Variants in AKAP13 observed in about 807,000 individuals in gnomAD.
AKAP13 encodes A-kinase anchor protein 13.
AKAP13 carries 80 observed loss-of-function variants against 264.5 expected under a neutral mutation model. That is an observed-to-expected ratio of 0.30 (90% CI 0.25 to 0.36). The LOEUF is 0.36. AKAP13 is among the 10% of genes least tolerant of loss of function. The pLI, the probability that AKAP13 is intolerant of heterozygous loss-of-function variation, is 1.00. For synonymous variants in AKAP13, 1,380 were observed against 1,250.2 expected, an observed-to-expected ratio of 1.10 and a Z score of -2.19; for missense variants, 3,712 against 3,435.2, an observed-to-expected ratio of 1.08 and a Z score of -2.01.
At chr15:85,717,565 G>A (rs547470666) in intron 21 of AKAP13, among the ~76,000 whole-genome samples, 163 bp downstream of exon 21, 32 of 152,296 alleles carry the variant, frequency 2.1e-4, no homozygotes, top group Admixed American at 3.9e-4. Context: ...TCATGACTGC[G>A]TAATCAGACT....
intron 8 of AKAP13, among the ~76,000 whole-genome samples, chr15:85,608,470 A>C (rs1395558504): frequency 6.6e-6 from 1 of 152,182 alleles, no homozygotes; most frequent in East Asian, 1.9e-4. Flanking sequence ...CTTTAAGGCA[A>C]TTATTATTTG....
chr15:85,580,620 C>T lies in AKAP13; in HGVS notation c.2552C>T (p.Ser851Phe), dbSNP rs35624420. The T allele has an allele frequency of 0.022, 34,775 of 1,614,176 alleles. 447 individuals are homozygous for T. Among genetic ancestry groups the T allele is most frequent in the Non-Finnish European group, 0.026 (30,245 of 1,180,006 alleles). ...EDRAVGLSTSSTAAELQHGMG... is the reference protein window; with the variant it reads ...EDRAVGLSTSFTAAELQHGMG... The stretch of plus-strand genomic sequence containing the variant: ...AGGGCAGTAGGCCTGTCCACATCCT[C>T]CACTGCTGCAGAGCTTCAGCACGGG... Residue 851 changes from serine (S) to phenylalanine (F), a missense_variant, in exon 7 of 37, where the codon TCC (serine) becomes TTC (phenylalanine). Physicochemically the swap from Ser to Phe is radical, Grantham distance 155. Transcript: ENST00000394518.
intron 8 of AKAP13, among the ~76,000 whole-genome samples, chr15:85,609,667 T>C (rs1333289821): frequency 6.6e-6 from 1 of 152,234 alleles, no homozygotes; most frequent in African/African-American, 2.4e-5. Flanking sequence ...ATCATCTGTT[T>C]GTATAACCTA....
chr15:85,418,610 G>A (rs2072357725), intron 1 of AKAP13, among the ~76,000 whole-genome samples: 2 of 152,152 alleles, frequency 1.3e-5, no homozygotes, highest in Non-Finnish European at 2.9e-5. Context: ...TAAGCTTGTA[G>A]CATATAATTA....
chr15:85,561,225 T>G (rs2151263209), intron 5 of AKAP13, among the ~76,000 whole-genome samples: 1 of 152,072 alleles, frequency 6.6e-6, no homozygotes, highest in African/African-American at 2.4e-5. Flanking sequence ...ACCTGGCTAA[T>G]TTTTGTATTT....
rs1361778726 is a variant in AKAP13, at chr15:85,426,959, T to TG, written c.-12+46161_-12+46162insG. Among the ~76,000 whole-genome samples, 1,121 of 147,894 alleles carry TG rather than the reference T, an allele frequency of 7.6e-3. 11 individuals carry two copies. Among genetic ancestry groups the TG allele is most frequent in the Middle Eastern group, 0.062 (18 of 288 alleles). On this transcript the variant is annotated intron_variant, in intron 1 of 36. Transcript: ENST00000394518. ...TCCTTAGTATTGTTTTGTTTTGTTT[T>TG]TTTTTTTTTTTTTGGGGACGGAGTC... is the stretch of plus-strand genomic sequence containing the variant.
chr15:85,478,553 A>T (rs1306126752), intron 1 of AKAP13, among the ~76,000 whole-genome samples: 2 of 152,206 alleles, frequency 1.3e-5, no homozygotes, highest in African/African-American at 4.8e-5. Flanking sequence ...TCCAGCGTTG[A>T]TAAAGAATAA....
At chr15:85,650,616 C>T (rs1173967313) in intron 10 of AKAP13, among the ~76,000 whole-genome samples, 7 of 151,036 alleles carry the variant, frequency 4.6e-5, no homozygotes, top group South Asian at 2.1e-4. Flanking sequence ...ATTAGCTGGG[C>T]GTGGTGGCAG....
intron 1 of AKAP13, among the ~76,000 whole-genome samples, chr15:85,438,497 C>G (rs2073440258): frequency 6.7e-6 from 1 of 149,554 alleles, no homozygotes; most frequent in Non-Finnish European, 1.5e-5. Context: ...CAAAAAAGAG[C>G]CTGCATCGCC....
rs767562760 is a variant in AKAP13 at position 85,655,779 on chromosome 15, C to G, written c.4737C>G (p.Asn1579Lys). Reference protein sequence around the residue: ...GKNAASDAEMNHRSSMRVLGD... With the variant: ...GKNAASDAEMKHRSSMRVLGD... The stretch of plus-strand genomic sequence containing the variant: ...ATGCAGCCAGCGATGCAGAAATGAA[C>G]CACCGGAGGTGAGATGGGAGGCGGT... Residue 1579 changes from asparagine (N) to lysine (K), a missense_variant, in exon 11 of 37, where the codon AAC (asparagine) becomes AAG (lysine). This residue lies in a region of AKAP13 where 2,759 missense variants were observed against 2,411.7 expected (regional missense o/e 1.14). Coordinates refer to ENST00000394518, the MANE Select transcript of AKAP13 (RefSeq NM_007200.5). The G allele has an allele frequency of 1.2e-6, 2 of 1,606,512 alleles. No homozygotes were observed. Among genetic ancestry groups the G allele is most frequent in the Non-Finnish European group, 1.7e-6 (2 of 1,174,074 alleles).
intron 3 of AKAP13, 36 bp from the exon 4 acceptor site, chr15:85,533,548 T>C (rs1430834025): frequency 1.3e-6 from 2 of 1,564,956 alleles, no homozygotes; most frequent in South Asian, 2.4e-5. Flanking sequence ...AGTGAGGCTC[T>C]AATACTGTTT....
intron 1 of AKAP13, among the ~76,000 whole-genome samples, chr15:85,443,772 A>AGTGTGTGTGT (rs34514718): frequency 4.8e-5 from 7 of 146,052 alleles, no homozygotes; most frequent in Non-Finnish European, 9.1e-5. Context: ...AAAAAAAAAA[A>AGTGTGTGTGT]GTGTGTGTGT....
At chr15:85,585,903 T>C in intron 8 of AKAP13, 80 bp downstream of exon 8, 1 of 1,564,152 alleles carries the variant, frequency 6.4e-7, no homozygotes, top group South Asian at 1.1e-5. Flanking sequence ...GCTTTGTCTT[T>C]TATTTGAGGG....
rs900020802 is a variant in AKAP13 at position 85,748,767 on chromosome 15, A to AC, written c.*4096dup. 2.0e-4 allele frequency: 31 copies of AC among 152,078 alleles called. No individual in the cohort carries two copies. The highest frequency in any genetic ancestry group is 6.8e-4 in the African/African-American group (28 of 41,374). 9.4% of individuals were successfully genotyped at this position (152,078 alleles called of 1,614,324 possible). On this transcript the variant is annotated 3_prime_UTR_variant, in exon 37 of 37. Coordinates refer to ENST00000394518, the MANE Select transcript of AKAP13 (RefSeq NM_007200.5). ...TCTCACTAAGGGTTAAAGGCGTGCA[A>AC]CCCCCCACTGGCTGTGTCCCCTGCC...
intron 8 of AKAP13, among the ~76,000 whole-genome samples, chr15:85,590,929 A>T (rs923999723): frequency 1.3e-5 from 2 of 152,202 alleles, no homozygotes; most frequent in African/African-American, 4.8e-5. Flanking sequence ...AGATTACAAT[A>T]TGCTATTCAC....
chr15:85,537,264 T>TC (rs5814201), intron 4 of AKAP13, among the ~76,000 whole-genome samples: 133,649 of 152,210 alleles, frequency 0.88, 59,103 homozygotes, highest in African/African-American at 0.95. Flanking sequence ...GAGTTGCACA[T>TC]AAATACTTTT....
chr15:85,506,102 G>A (rs1007482034), intron 2 of AKAP13, among the ~76,000 whole-genome samples: 2 of 152,180 alleles, frequency 1.3e-5, no homozygotes, highest in Non-Finnish European at 2.9e-5. Context: ...TTCAAGACCA[G>A]TCTGGCCAAC....
In AKAP13 at chr15:85,579,288, G is replaced by T; in HGVS notation, c.1220G>T (p.Cys407Phe). The change falls in exon 7 of 37, where the codon TGT becomes TTT. Residue 407 changes from cysteine (C) to phenylalanine (F), a missense_variant. Physicochemically the swap from Cys to Phe is radical, Grantham distance 205. Around this residue, in one of 3 missense-constraint regions of AKAP13, gnomAD observed 2,759 missense variants for 2,411.7 expected, o/e 1.14. Coordinates refer to ENST00000394518, the MANE Select transcript of AKAP13 (RefSeq NM_007200.5). ...QDSCLQSLPDCGVKGTEGLSS... is the reference protein window; with the variant it reads ...QDSCLQSLPDFGVKGTEGLSS... ...AGCTGCCTTCAGAGCTTGCCTGATT[G>T]TGGAGTAAAGGGCACGGAAGGCCTT... 6.2e-7 allele frequency: 1 copy of T among 1,614,220 alleles called. No homozygotes were observed. The highest frequency in any genetic ancestry group is 8.5e-7 in the Non-Finnish European group (1 of 1,180,046).
chr15:85,599,380 G>T (rs1346819711), intron 8 of AKAP13, among the ~76,000 whole-genome samples: 8 of 152,190 alleles, frequency 5.3e-5, no homozygotes, highest in African/African-American at 1.9e-4. Context: ...ATTTGAAAAA[G>T]AATAGAATTT....
Sources: gnomAD v4.1 joint callset for allele counts (sites outside exome capture counted in the v4.1 genomes callset) on GRCh38, gnomAD v4.1.1 for gene constraint, gnomAD v4.1.1 regional missense constraint, MANE v1.5 for transcripts, NCBI Gene and HGNC (gene_info 2026-07-23, HGNC 2026-07-21) for gene names.